Variants in TTLL7 observed in about 807,000 individuals in gnomAD.
TTLL7 encodes tubulin polyglutamylase TTLL7.
In TTLL7, 53 loss-of-function variants were observed where a neutral mutation model predicts 120.2. The ratio of observed to expected loss-of-function variants is 0.44; its 90% CI spans 0.35 to 0.55. The LOEUF is 0.55. Among genes scored for constraint, TTLL7 ranks in the 20% least tolerant of loss-of-function variants. The pLI, the probability that TTLL7 is intolerant of heterozygous loss-of-function variation, is 0.00. For missense variants in TTLL7, 803 were observed against 1,054.7 expected, an observed-to-expected ratio of 0.76 and a Z score of 3.31; for synonymous variants, 353 against 351.7, an observed-to-expected ratio of 1.00 and a Z score of -0.04.
intron 18 of TTLL7, 71 bp downstream of exon 18, chr1:83,904,008 G>T: frequency 8.8e-7 from 1 of 1,137,432 alleles, no homozygotes; most frequent in Non-Finnish European, 1.3e-6. Context: ...GTCTGTCTAT[G>T]AATTTGGCTT....
chr1:83,925,128 A>G (rs923645236), intron 10 of TTLL7, among the ~76,000 whole-genome samples: 4 of 152,164 alleles, frequency 2.6e-5, no homozygotes, highest in Non-Finnish European at 2.9e-5. Flanking sequence ...GATCTCATCC[A>G]TTAGATTCAA....
chr1:83,969,180 G>A (rs1345790612), intron 1 of TTLL7, among the ~76,000 whole-genome samples: 1 of 151,716 alleles, frequency 6.6e-6, no homozygotes, highest in Admixed American at 6.6e-5. Context: ...AAGTGACCAT[G>A]TAGGTAATAG....
chr1:83,923,804 T>A (rs1658885757), intron 10 of TTLL7, among the ~76,000 whole-genome samples: 1 of 152,176 alleles, frequency 6.6e-6, no homozygotes, highest in Non-Finnish European at 1.5e-5. Context: ...ACCATTCATT[T>A]AGCATTTAAT....
chr1:83,992,137 C>CA (rs1653060934), intron 1 of TTLL7, among the ~76,000 whole-genome samples: 1 of 152,014 alleles, frequency 6.6e-6, no homozygotes, highest in African/African-American at 2.4e-5. Flanking sequence ...TTCTTTCTGC[C>CA]AAAAATGCTC....
At chr1:83,944,021 T>G (rs551673792) in intron 6 of TTLL7, among the ~76,000 whole-genome samples, 2 of 151,958 alleles carry the variant, frequency 1.3e-5, no homozygotes, top group Non-Finnish European at 2.9e-5. Flanking sequence ...ATAAAAAAAT[T>G]CACTAAAGGA....
At chr1:83,944,791 T>C (rs1648318767) in intron 6 of TTLL7, among the ~76,000 whole-genome samples, 1 of 152,196 alleles carries the variant, frequency 6.6e-6, no homozygotes, top group Non-Finnish European at 1.5e-5. Flanking sequence ...AAAAGACAAC[T>C]GCATAAAACA....
At chr1:83,885,019 G>C (rs564557272) in intron 19 of TTLL7, 137 of 235,818 alleles carry the variant, frequency 5.8e-4, no homozygotes, top group African/African-American at 2.1e-3. Context: ...AACTAGATAT[G>C]ACACATACGT....
At position 83,942,558 on chromosome 1, in the gene TTLL7, C is replaced by T; in HGVS notation, c.628G>A (p.Val210Ile). 1 of 1,613,920 alleles carries T rather than the reference C, an allele frequency of 6.2e-7. No homozygotes were observed. ...YKFDLRIYIL[V>I]TSCDPLKIFL... ...ATTTTTAGTGGATCACACGATGTAA[C>T]CAGAATATAAATTCGTAAGTCAAAC... is the stretch of plus-strand genomic sequence containing the variant. The change falls in exon 7 of 21, where the codon GTT (valine) becomes ATT (isoleucine). Residue 210 changes from valine (V) to isoleucine (I), a missense_variant. Around this residue, in one of 3 missense-constraint regions of TTLL7, gnomAD observed 324 missense variants for 507.7 expected, o/e 0.64. Transcript: ENST00000260505.
chr1:83,917,176 T>C (rs147511837), intron 14 of TTLL7, among the ~76,000 whole-genome samples: 15 of 152,022 alleles, frequency 9.9e-5, no homozygotes, highest in African/African-American at 3.6e-4. Flanking sequence ...GAATTACACC[T>C]ATTTTAACTA....
intron 1 of TTLL7, among the ~76,000 whole-genome samples, chr1:83,953,177 T>C (rs968482924): frequency 2.0e-5 from 3 of 152,196 alleles, no homozygotes; most frequent in Non-Finnish European, 4.4e-5. Flanking sequence ...CATCTCAACA[T>C]GGCCTATAGT....
At chr1:83,995,344 C>A (rs1029380782) in intron 1 of TTLL7, among the ~76,000 whole-genome samples, 2 of 151,556 alleles carry the variant, frequency 1.3e-5, no homozygotes, top group Non-Finnish European at 2.9e-5. Context: ...ATATTTGAAT[C>A]CTGGGGACAT....
chr1:83,919,663 A>G, intron 13 of TTLL7, 36 bp downstream of exon 13: 1 of 1,566,746 alleles, frequency 6.4e-7, no homozygotes. Context: ...GTTTAGCTTT[A>G]TTCTTTTTTC....
At chr1:83,918,589 C>T (rs1168056422) in intron 13 of TTLL7, among the ~76,000 whole-genome samples, 1 of 152,060 alleles carries the variant, frequency 6.6e-6, no homozygotes, top group East Asian at 1.9e-4. Context: ...AATAATCTTA[C>T]AATGAATTCC....
chr1:83,947,562 C>T, intron 5 of TTLL7: 1 of 290,728 alleles, frequency 3.4e-6, no homozygotes, highest in South Asian at 4.2e-5. Context: ...TTAGAGTACA[C>T]ACTCTGTGCT....
At chr1:83,974,199 CG>C (rs1211510686) in intron 1 of TTLL7, among the ~76,000 whole-genome samples, 1 of 151,736 alleles carries the variant, frequency 6.6e-6, no homozygotes, top group African/African-American at 2.4e-5. Flanking sequence ...TTCATGGGCA[CG>C]GGAAAAATGT....
intron 14 of TTLL7, among the ~76,000 whole-genome samples, chr1:83,915,143 G>T (rs1421695548): frequency 2.0e-5 from 3 of 151,940 alleles, no homozygotes; most frequent in African/African-American, 7.3e-5. Context: ...ACAAGTCAAT[G>T]ACTTTTTTTT....
chr1:83,877,422 T>A (rs78099813), intron 20 of TTLL7, among the ~76,000 whole-genome samples: 1,771 of 152,156 alleles, frequency 0.012, 16 homozygotes, highest in Non-Finnish European at 0.018. Flanking sequence ...TCCTTTGCTG[T>A]TCTCTGGGTG....
Position 83,883,206 on chromosome 1 carries a change from C to T in TTLL7, c.2370-70G>A, listed in dbSNP as rs1006895369. On this transcript the variant is annotated intron_variant, in intron 19 of 20. Coordinates refer to ENST00000260505, the MANE Select transcript of TTLL7 (RefSeq NM_024686.6). The stretch of plus-strand genomic sequence containing the variant: ...ATGACAACCAGCTATATATCACTTC[C>T]CTAGCAACAAACCAATAAGGGAAAT... The T allele has an allele frequency of 1.1e-5, 14 of 1,289,464 alleles. No homozygotes were observed. In the African/African-American group the frequency reaches 1.9e-4, roughly 18 times the overall value. The allele number at this position is 1,289,464 out of a possible 1,614,324, so 79.9% of individuals were successfully genotyped here.
rs1002797402 is a variant in TTLL7, at chr1:83,951,669, T to C, written c.157+176A>G. Among the ~76,000 whole-genome samples, 7 of 152,200 alleles carry C rather than the reference T, an allele frequency of 4.6e-5. 1 individual carries two copies. The South Asian group carries it at 6.2e-4, about 13-fold the overall frequency. On this transcript the variant is annotated intron_variant, in intron 3 of 20. Coordinates refer to ENST00000260505, the MANE Select transcript of TTLL7 (RefSeq NM_024686.6). The stretch of plus-strand genomic sequence containing the variant: ...AGTTGGGATCTTTTTAAGGATATCA[T>C]CTTCTACCACACAGAAAAAGAATCC...
Sources: allele counts gnomAD v4.1 joint callset (sites outside exome capture counted in the v4.1 genomes callset), GRCh38; gene constraint gnomAD v4.1.1; regional missense constraint gnomAD v4.1.1; transcripts MANE v1.5; gene names NCBI Gene and HGNC (gene_info 2026-07-23, HGNC 2026-07-21).